The following KIF5B variants were observed in gnomAD, a reference collection of about 807,000 sequenced individuals.
The protein encoded by KIF5B is kinesin family member 5B, also known as kinesin-1 heavy chain.
Under a neutral mutation model 132.8 loss-of-function variants are expected in KIF5B, and 49 were observed. The observed-to-expected ratio is 0.37, with a 90% CI of 0.29 to 0.47. The LOEUF is 0.47. Ranked by LOEUF, KIF5B falls within the 20% of genes least tolerant of loss-of-function variation. The pLI, the probability that KIF5B is intolerant of heterozygous loss-of-function variation, is 1.00. For synonymous variants in KIF5B, 355 were observed against 369.4 expected, an observed-to-expected ratio of 0.96 and a Z score of 0.45; for missense variants, 780 against 1,144.0, an observed-to-expected ratio of 0.68 and a Z score of 4.59.
At position 32,034,004 on chromosome 10, in the gene KIF5B, T is replaced by C; in HGVS notation, c.1146A>G (p.Lys382=). 1 of 1,598,168 alleles carries C rather than the reference T, an allele frequency of 6.3e-7. No homozygotes were observed. Among genetic ancestry groups the C allele is most frequent in the Non-Finnish European group, 8.5e-7 (1 of 1,173,548 alleles). The change falls in exon 12 of 26, where the codon AAA becomes AAG. Residue 382 remains lysine (K), a synonymous_variant. Coordinates refer to ENST00000302418, the MANE Select transcript of KIF5B (RefSeq NM_004521.3). ...TGAAAGCTTCCAAGTTGGCTTTCTC[T>C]TTGTCAAACTGTTCATCAATAGGCA... is the stretch of plus-strand genomic sequence containing the variant. ...ETVPIDEQFD[K]EKANLEAFTV... is the part of the protein sequence containing the mutation.
chr10:32,016,225 G>C (rs1369279990), intron 24 of KIF5B, among the ~76,000 whole-genome samples: 1 of 152,104 alleles, frequency 6.6e-6, no homozygotes, highest in East Asian at 1.9e-4. Context: ...GGGAGGCCGA[G>C]GCAGGTGGAT....
chr10:32,023,920 T>G (rs1302470889), intron 15 of KIF5B, among the ~76,000 whole-genome samples: 3 of 151,300 alleles, frequency 2.0e-5, no homozygotes, highest in Non-Finnish European at 4.4e-5. Context: ...CAGGAGAAAA[T>G]CTAGGTGATA....
chr10:32,019,794 G>A (rs756770786), intron 20 of KIF5B, 64 bp downstream of exon 20: 1 of 1,107,746 alleles, frequency 9.0e-7, no homozygotes, highest in Non-Finnish European at 1.3e-6. Flanking sequence ...ATATCCAAAG[G>A]TAATGCCTAT....
intron 2 of KIF5B, among the ~76,000 whole-genome samples, chr10:32,044,213 G>A (rs1841580074): frequency 6.6e-6 from 1 of 152,222 alleles, no homozygotes; most frequent in South Asian, 2.1e-4. Flanking sequence ...AGGTGATACT[G>A]ACATAAATTA....
At chr10:32,029,293 C>T (rs1841370094) in intron 14 of KIF5B, among the ~76,000 whole-genome samples, 2 of 152,184 alleles carry the variant, frequency 1.3e-5, no homozygotes, top group East Asian at 3.9e-4. Context: ...AAAATGCTCA[C>T]TGAAGCATTT....
intron 20 of KIF5B, among the ~76,000 whole-genome samples, chr10:32,019,314 T>C (rs1484110501): frequency 2.0e-5 from 3 of 152,194 alleles, no homozygotes; most frequent in South Asian, 2.1e-4. Flanking sequence ...ATCCTAACAA[T>C]ATCAGTTGAT....
chr10:32,034,708 G>A lies in KIF5B; in HGVS notation c.1093C>T (p.Leu365Phe). 1 of 1,592,964 alleles carries A rather than the reference G, an allele frequency of 6.3e-7. No homozygotes were observed. Among genetic ancestry groups the A allele is most frequent in the Non-Finnish European group, 8.5e-7 (1 of 1,172,564 alleles). The change falls in exon 11 of 26, where the codon CTC becomes TTC. Residue 365 changes from leucine (L) to phenylalanine (F), a missense_variant. This residue lies in a region of KIF5B where 471 missense variants were observed against 569.9 expected (regional missense o/e 0.83). Transcript: ENST00000302418. ...TTATTACCATTACGCCATCTGTTGA[G>A]CTCATTTTCAAGCCACTGAATAGTG... ...RNTIQWLENE[L>F]NRWRNGETVP...
rs1471227890 is a variant in KIF5B at position 32,048,681 on chromosome 10, T to C, written c.127-130A>G. Reference sequence around the variant, plus strand: ...ACCTAGTATGCATAATTTGGTATCATTGAATCTTTGAAGTAGAAGGGATCA... The same window carrying C: ...ACCTAGTATGCATAATTTGGTATCACTGAATCTTTGAAGTAGAAGGGATCA... On this transcript the variant is annotated intron_variant, in intron 1 of 25. Coordinates refer to ENST00000302418, the MANE Select transcript of KIF5B (RefSeq NM_004521.3). 2.9e-5 allele frequency: 17 copies of C among 583,822 alleles called. No homozygotes were observed. In the East Asian group the frequency reaches 3.9e-4, roughly 13 times the overall value. The allele number at this position is 583,822 out of a possible 1,614,324, so 36.2% of individuals were successfully genotyped here. A position where few individuals can be genotyped will look rare whatever the true frequency, so the allele number is the denominator to read the frequency against.
chr10:32,017,126 TA>T lies in KIF5B; in HGVS notation c.2761+16del. On this transcript the variant is annotated intron_variant, in intron 24 of 25. Coordinates refer to ENST00000302418, the MANE Select transcript of KIF5B (RefSeq NM_004521.3). ...CAAATTGAGCAAGGTTTAAAGGTTT[TA>T]ATGTGTTCTACTAACCAATCTGTGC... is the stretch of plus-strand genomic sequence containing the variant. The T allele has an allele frequency of 6.3e-7, 1 of 1,597,472 alleles. No homozygotes were observed.
At chr10:32,012,970 CG>C (rs1374562070) in intron 25 of KIF5B, among the ~76,000 whole-genome samples, 1 of 150,274 alleles carries the variant, frequency 6.7e-6, no homozygotes, top group Non-Finnish European at 1.5e-5. Flanking sequence ...GCCACGATCT[CG>C]GATCACTGCA....
rs780642054 is a variant in KIF5B, at chr10:32,038,214, T to C, written c.447A>G (p.Ser149=). 47 of 1,605,122 alleles carry C rather than the reference T, an allele frequency of 2.9e-5. No individual in the cohort carries two copies. Among genetic ancestry groups the C allele is most frequent in the Admixed American group, 5.0e-5 (3 of 59,692 alleles). The change falls in exon 6 of 26, where the codon TCA becomes TCG. Residue 149 remains serine, a synonymous_variant. Transcript: ENST00000302418. ...LDKIRDLLDV[S]KTNLSVHEDK... ...CTTCATGAACTGAAAGGTTGGTCTT[T>C]GAAACTGAGAAAGAAAAACAAATGT...
In KIF5B at chr10:32,052,230, A is replaced by T. The variant is rs796318539; in HGVS notation, c.126+3618T>A. Among the ~76,000 whole-genome samples, 20 of 152,346 alleles carry T rather than the reference A, an allele frequency of 1.3e-4. 1 individual carries two copies. Among genetic ancestry groups the T allele is most frequent in the African/African-American group, 4.8e-4 (20 of 41,586 alleles). On this transcript the variant is annotated intron_variant, in intron 1 of 25. Transcript: ENST00000302418. ...ATTTCAGATCACTTGGGAGTGTATTATATTAGATTTTCCTTAGTTAAACAC... is the reference window on the plus strand; with the variant it reads ...ATTTCAGATCACTTGGGAGTGTATTTTATTAGATTTTCCTTAGTTAAACAC...
intron 2 of KIF5B, among the ~76,000 whole-genome samples, chr10:32,041,512 G>A (rs1050237307): frequency 6.6e-6 from 1 of 152,074 alleles, no homozygotes; most frequent in Non-Finnish European, 1.5e-5. Flanking sequence ...TTAGAAACAA[G>A]ACTAATTGAT....
intron 25 of KIF5B, 89 bp downstream of exon 25, chr10:32,015,420 C>T: frequency 1.0e-6 from 1 of 957,418 alleles, no homozygotes; most frequent in Non-Finnish European, 1.5e-6. Context: ...AATCATAACA[C>T]TAATGTGAGA....
At position 32,034,748 on chromosome 10, in the gene KIF5B, ATTTT is replaced by A; in HGVS notation, c.1049_1052del (p.Lys350IlefsTer60). ...ACTGAATAGTGTTCCGCAGGATCTT[ATTTT>A]TTTCTTTTTCTTTTTCATACTTCTT... On this transcript the variant is annotated frameshift_variant, in exon 11 of 26. Transcript: ENST00000302418. LOFTEE classifies it high-confidence loss of function. The A allele has an allele frequency of 1.2e-6, 2 of 1,608,650 alleles. No homozygotes were observed. Among genetic ancestry groups the A allele is most frequent in the Non-Finnish European group, 1.7e-6 (2 of 1,177,756 alleles).
intron 15 of KIF5B, among the ~76,000 whole-genome samples, chr10:32,024,177 C>T (rs1322963841): frequency 2.7e-5 from 2 of 72,796 alleles, no homozygotes; most frequent in South Asian, 5.0e-4. Flanking sequence ...TTTTTTGAGA[C>T]GGAGTCTCGC....
rs943177811 is a variant in KIF5B, at chr10:32,010,742, A to G, written c.*795T>C. On this transcript the variant is annotated 3_prime_UTR_variant, in exon 26 of 26. Transcript: ENST00000302418. The stretch of plus-strand genomic sequence containing the variant: ...TCCATCAAGACTTGTTGAGTACAGA[A>G]TCAGGAAAAAGAGAAATATAATTCC... The G allele has an allele frequency of 5.9e-5, 9 of 152,198 alleles. No individual in the cohort carries two copies. Among genetic ancestry groups the G allele is most frequent in the African/African-American group, 2.2e-4 (9 of 41,460 alleles). 9.4% of individuals were successfully genotyped at this position (152,198 alleles called of 1,614,324 possible). A position where few individuals can be genotyped will look rare whatever the true frequency, so the allele number is the denominator to read the frequency against.
intron 15 of KIF5B, among the ~76,000 whole-genome samples, chr10:32,026,446 A>AG (rs1841335021): frequency 1.3e-5 from 2 of 149,514 alleles, no homozygotes; most frequent in Non-Finnish European, 3.0e-5. Flanking sequence ...TCAAAAAAAA[A>AG]AAAAAAAAAA....
chr10:32,015,614 T>TTG lies in KIF5B; in HGVS notation c.2806_2807insCA (p.His936ProfsTer41). On this transcript the variant is annotated frameshift_variant, in exon 25 of 26. Transcript: ENST00000302418. LOFTEE classifies it high-confidence loss of function. ...ACCTCCTCCACGAATTGCACTTGGG[T>TTG]GAGTTGGAGAAGCTGCTGGATGTTG... 1 of 1,613,538 alleles carries TTG rather than the reference T, an allele frequency of 6.2e-7. No homozygotes were observed. Among genetic ancestry groups the TTG allele is most frequent in the South Asian group, 1.1e-5 (1 of 91,044 alleles).
Sources: gnomAD v4.1 joint callset for allele counts (sites outside exome capture counted in the v4.1 genomes callset) on GRCh38, gnomAD v4.1.1 for gene constraint, gnomAD v4.1.1 regional missense constraint, MANE v1.5 for transcripts, NCBI Gene and HGNC (gene_info 2026-07-23, HGNC 2026-07-21) for gene names.